TRIP12: variants seen among roughly 807,000 people sequenced by gnomAD.
TRIP12 encodes the protein E3 ubiquitin-protein ligase TRIP12.
Under a neutral mutation model 244.2 loss-of-function variants are expected in TRIP12, and 25 were observed. The observed-to-expected ratio is 0.10, with a 90% CI of 0.07 to 0.14. TRIP12 has a LOEUF of 0.14. Ranked by LOEUF, TRIP12 falls within the 10% of genes least tolerant of loss-of-function variation. TRIP12 has a pLI of 1.00. For synonymous variants in TRIP12, 905 were observed against 873.1 expected (o/e 1.04, Z -0.64); for missense variants, 1,677 against 2,486.4 (o/e 0.67, Z 6.92).
intron 22 of TRIP12, 46 bp from the exon 23 acceptor site, chr2:229,799,095 T>C (rs766255555): frequency 1.3e-5 from 21 of 1,600,746 alleles, no homozygotes; most frequent in Non-Finnish European, 1.7e-5. Flanking sequence ...TTAGTTTAAG[T>C]GATGAAAAAC....
intron 25 of TRIP12, among the ~76,000 whole-genome samples, chr2:229,795,950 T>C (rs535833335): frequency 3.9e-5 from 6 of 152,298 alleles, no homozygotes; most frequent in Non-Finnish European, 8.8e-5. Flanking sequence ...TGTTAATACA[T>C]AGGAGAGCTA....
intron 1 of TRIP12, among the ~76,000 whole-genome samples, chr2:229,882,325 A>G (rs2065049618): frequency 6.6e-6 from 1 of 152,224 alleles, no homozygotes; most frequent in African/African-American, 2.4e-5. Flanking sequence ...ATCACTGTCT[A>G]TATGAGTCTT....
chr2:229,804,786 C>CAT (rs1175874908), intron 18 of TRIP12, among the ~76,000 whole-genome samples: 1 of 152,184 alleles, frequency 6.6e-6, no homozygotes, highest in African/African-American at 2.4e-5. Context: ...CAGCCATGTA[C>CAT]ATTTGTTCAC....
chr2:229,765,340 T>C lies in TRIP12; in HGVS notation c.*2214A>G, dbSNP rs564068562. On this transcript the variant is annotated 3_prime_UTR_variant, in exon 42 of 42. Coordinates refer to ENST00000675903, the MANE Select transcript of TRIP12 (RefSeq NM_001348323.3). ...AACTGGAGTAACAGCAAATGAAGTA[T>C]ATACTTTTTCCCTCTGGTGCAATAA... The C allele has an allele frequency of 6.6e-6, 1 of 152,200 alleles. No homozygotes were observed. Among genetic ancestry groups the C allele is most frequent in the East Asian group, 1.9e-4 (1 of 5,194 alleles). The allele number at this position is 152,200 out of a possible 1,614,324, so 9.4% of individuals were successfully genotyped here.
Position 229,767,240 on chromosome 2 carries a change from C to T in TRIP12, c.*314G>A, listed in dbSNP as rs1003796840. The T allele has an allele frequency of 8.4e-6, 2 of 237,256 alleles. No individual in the cohort carries two copies. The highest frequency in any genetic ancestry group is 5.4e-5 in the Admixed American group (1 of 18,356). 14.7% of individuals were successfully genotyped at this position (237,256 alleles called of 1,614,324 possible). A position where few individuals can be genotyped will look rare whatever the true frequency, so the allele number is the denominator to read the frequency against. ...AACTGCACAGCCACATTTATTGTTC[C>T]AGCCTGGAAAAACATCCCTTTTTTA... On this transcript the variant is annotated 3_prime_UTR_variant, in exon 42 of 42. Transcript: ENST00000675903.
At chr2:229,818,564 T>C in intron 8 of TRIP12, 52 bp from the exon 9 acceptor site, 1 of 1,535,770 alleles carries the variant, frequency 6.5e-7, no homozygotes, top group Non-Finnish European at 8.9e-7. Context: ...AAATTATTAC[T>C]AGGTATAAGG....
At chr2:229,915,171 G>C (rs996129735) in intron 1 of TRIP12, among the ~76,000 whole-genome samples, 2 of 152,070 alleles carry the variant, frequency 1.3e-5, no homozygotes, top group African/African-American at 2.4e-5. Flanking sequence ...AGGATTGCTT[G>C]AACCCGGGAG....
At chr2:229,772,832 C>A (rs1251874448) in intron 38 of TRIP12, among the ~76,000 whole-genome samples, 2 of 151,906 alleles carry the variant, frequency 1.3e-5, no homozygotes, top group Non-Finnish European at 2.9e-5. Context: ...TGATGAAGTT[C>A]TTCAGAGGCT....
At chr2:229,771,352 TC>T in intron 39 of TRIP12, among the ~76,000 whole-genome samples, 166 bp downstream of exon 39, 1 of 152,366 alleles carries the variant, frequency 6.6e-6, no homozygotes, top group East Asian at 1.9e-4. Flanking sequence ...TATTTAACAT[TC>T]TTCCTTGCTC....
At chr2:229,888,603 A>G (rs1347296048) in intron 1 of TRIP12, among the ~76,000 whole-genome samples, 1 of 152,196 alleles carries the variant, frequency 6.6e-6, no homozygotes, top group East Asian at 1.9e-4. Context: ...GAAAATGGCG[A>G]GAGCAGCCTG....
chr2:229,777,264 AT>A, intron 37 of TRIP12, 50 bp downstream of exon 37: 1 of 1,565,466 alleles, frequency 6.4e-7, no homozygotes, highest in South Asian at 1.2e-5. Flanking sequence ...CAAAAGCCTC[AT>A]TTTTCTAAAA....
At chr2:229,819,738 CATT>C (rs2049520158) in intron 8 of TRIP12, among the ~76,000 whole-genome samples, 2 of 152,274 alleles carry the variant, frequency 1.3e-5, no homozygotes, top group African/African-American at 2.4e-5. Context: ...AGTCCTATAT[CATT>C]GAGTACTGAA....
At chr2:229,914,269 G>A (rs1236036538) in intron 1 of TRIP12, among the ~76,000 whole-genome samples, 1 of 152,118 alleles carries the variant, frequency 6.6e-6, no homozygotes, top group South Asian at 2.1e-4. Context: ...AATTCAAGTA[G>A]ACAAAAAACC....
At chr2:229,854,815 G>C (rs2059313572) in intron 4 of TRIP12, among the ~76,000 whole-genome samples, 1 of 152,102 alleles carries the variant, frequency 6.6e-6, no homozygotes, top group Non-Finnish European at 1.5e-5. Flanking sequence ...TGCCCTATCT[G>C]TTCACCCCTA....
rs1262908352 is a variant in TRIP12, at chr2:229,765,208, A to C, written c.*2346T>G. 2.0e-5 allele frequency: 3 copies of C among 152,194 alleles called. No individual in the cohort carries two copies. Among genetic ancestry groups the C allele is most frequent in the Non-Finnish European group, 4.4e-5 (3 of 68,048 alleles). 9.4% of individuals were successfully genotyped at this position (152,194 alleles called of 1,614,324 possible). ...CATCTGACTGACTCCATCTCAGCAA[A>C]AAATAAAGGACAACAAAATCTCAGT... On this transcript the variant is annotated 3_prime_UTR_variant, in exon 42 of 42. Transcript: ENST00000675903.
chr2:229,806,492 C>T lies in TRIP12; in HGVS notation c.2497-609G>A, dbSNP rs189064432. 5.2e-4 allele frequency among the ~76,000 whole-genome samples: 79 copies of T among 152,310 alleles called. 1 individual carries two copies. Among genetic ancestry groups the T allele is most frequent in the Non-Finnish European group, 9.7e-4 (66 of 68,022 alleles). ...GACTACAGAAGTGACAAAATATTCTCATTACAGAATCCAATCTATGGAACT... is the reference window on the plus strand; with the variant it reads ...GACTACAGAAGTGACAAAATATTCTTATTACAGAATCCAATCTATGGAACT... On this transcript the variant is annotated intron_variant, in intron 17 of 41. Coordinates refer to ENST00000675903, the MANE Select transcript of TRIP12 (RefSeq NM_001348323.3).
rs964612017 is a variant in TRIP12, at chr2:229,768,488, A to G, written c.6007+128T>C. On this transcript the variant is annotated intron_variant, in intron 41 of 41. Transcript: ENST00000675903. ...CCTGCTAGTGGTCTCAATGTACTAT[A>G]ATGATACTGGAATAACTAAGAGGCA... The G allele has an allele frequency of 2.0e-5, 16 of 782,820 alleles. No homozygotes were observed. In the South Asian group the frequency reaches 2.2e-4, roughly 11 times the overall value. The allele number at this position is 782,820 out of a possible 1,614,324, so 48.5% of individuals were successfully genotyped here.
chr2:229,810,424 A>T (rs1369645346), intron 15 of TRIP12, among the ~76,000 whole-genome samples: 2 of 152,248 alleles, frequency 1.3e-5, no homozygotes, highest in Non-Finnish European at 2.9e-5. Flanking sequence ...GAAATACCAA[A>T]TTAGCAAACA....
Position 229,837,107 on chromosome 2 carries a change from A to G in TRIP12, c.1134-123T>C, listed in dbSNP as rs141167182. The G allele has an allele frequency of 8.5e-4, 907 of 1,061,694 alleles. 14 individuals are homozygous for G. The East Asian group carries it at 0.022, about 26-fold the overall frequency. The allele number at this position is 1,061,694 out of a possible 1,614,324, so 65.8% of individuals were successfully genotyped here. On this transcript the variant is annotated intron_variant, in intron 5 of 41. Coordinates refer to ENST00000675903, the MANE Select transcript of TRIP12 (RefSeq NM_001348323.3). ...TTCTTCTTCGTCCTCTTTTTAAATA[A>G]AAGTAAGTGCACAAAATCACCATGT...
Sources: allele counts gnomAD v4.1 joint callset (sites outside exome capture counted in the v4.1 genomes callset), GRCh38; gene constraint gnomAD v4.1.1; transcripts MANE v1.5; gene names NCBI Gene and HGNC (gene_info 2026-07-23, HGNC 2026-07-21).